CNTNAP5: variants seen among roughly 807,000 people sequenced by gnomAD.
CNTNAP5 encodes the protein contactin-associated protein-like 5.
Under a neutral mutation model 150.2 loss-of-function variants are expected in CNTNAP5, and 72 were observed. That is an observed-to-expected ratio of 0.48 (90% CI 0.40 to 0.58). The LOEUF is 0.58. Among genes scored for constraint, CNTNAP5 ranks in the 20% least tolerant of loss-of-function variants. The pLI is 0.00. For synonymous variants in CNTNAP5, 672 were observed against 619.8 expected, an observed-to-expected ratio of 1.08 and a Z score of -1.25; for missense variants, 1,636 against 1,626.2, an observed-to-expected ratio of 1.01 and a Z score of -0.10.
chr2:124,762,877 G>C (rs1402237796), intron 14 of CNTNAP5, among the ~76,000 whole-genome samples: 2 of 151,956 alleles, frequency 1.3e-5, no homozygotes, highest in African/African-American at 4.8e-5. Context: ...TACAGCATAG[G>C]AATTTTTTTG....
At chr2:124,068,856 G>T (rs975374251) in intron 1 of CNTNAP5, among the ~76,000 whole-genome samples, 3 of 151,916 alleles carry the variant, frequency 2.0e-5, no homozygotes, top group African/African-American at 2.4e-5. Flanking sequence ...TATACCGTAG[G>T]CCAGAAAGGA....
chr2:124,551,909 T>G (rs371376244), intron 10 of CNTNAP5, among the ~76,000 whole-genome samples: 20 of 152,160 alleles, frequency 1.3e-4, no homozygotes, highest in African/African-American at 4.8e-4. Flanking sequence ...TAAGCGATGA[T>G]TTTCTCAAGA....
intron 3 of CNTNAP5, among the ~76,000 whole-genome samples, chr2:124,264,724 GGTTTTGT>G (rs1687559715): frequency 6.6e-6 from 1 of 152,188 alleles, no homozygotes; most frequent in Admixed American, 6.5e-5. Flanking sequence ...CATCTGCAGT[GGTTTTGT>G]GGCTTTGCTC....
chr2:124,508,731 T>C (rs1694474096), intron 8 of CNTNAP5, among the ~76,000 whole-genome samples: 1 of 152,218 alleles, frequency 6.6e-6, no homozygotes. Flanking sequence ...TATAATTCTC[T>C]CCTAAGGAGA....
At chr2:124,707,535 C>T (rs888845937) in intron 13 of CNTNAP5, among the ~76,000 whole-genome samples, 11 of 147,198 alleles carry the variant, frequency 7.5e-5, no homozygotes, top group African/African-American at 2.7e-4. Flanking sequence ...TTCACATACT[C>T]CACCCATCGC....
intron 11 of CNTNAP5, among the ~76,000 whole-genome samples, chr2:124,571,974 A>G (rs1465343488): frequency 6.6e-6 from 1 of 152,138 alleles, no homozygotes; most frequent in Non-Finnish European, 1.5e-5. Context: ...AGAAATCAGT[A>G]ATTTTCTGTC....
intron 1 of CNTNAP5, among the ~76,000 whole-genome samples, chr2:124,150,361 T>C (rs760384827): frequency 2.0e-5 from 3 of 152,232 alleles, no homozygotes; most frequent in Non-Finnish European, 4.4e-5. Flanking sequence ...TCATGGAGGT[T>C]GTAGTTACAA....
At chr2:124,362,051 G>A (rs139250610) in intron 3 of CNTNAP5, among the ~76,000 whole-genome samples, 6,764 of 152,306 alleles carry the variant, frequency 0.044, 219 homozygotes, top group Non-Finnish European at 0.07. Flanking sequence ...CGCAATATTC[G>A]GGTGGGAGTG....
At chr2:124,130,868 T>G (rs1390675592) in intron 1 of CNTNAP5, among the ~76,000 whole-genome samples, 1 of 152,198 alleles carries the variant, frequency 6.6e-6, no homozygotes, top group South Asian at 2.1e-4. Flanking sequence ...TGAATGAATA[T>G]ATACAGAATA....
chr2:124,564,421 T>A (rs1387177333), intron 11 of CNTNAP5, among the ~76,000 whole-genome samples: 1 of 152,144 alleles, frequency 6.6e-6, no homozygotes, highest in Non-Finnish European at 1.5e-5. Flanking sequence ...AGTGGCACGA[T>A]CTTGGCTCAC....
intron 10 of CNTNAP5, among the ~76,000 whole-genome samples, chr2:124,530,162 T>C (rs1695070033): frequency 6.6e-6 from 1 of 152,016 alleles, no homozygotes; most frequent in Non-Finnish European, 1.5e-5. Flanking sequence ...AAATAAAAAC[T>C]AGCCAGGTGT....
chr2:124,658,289 C>T (rs763302253), intron 13 of CNTNAP5, among the ~76,000 whole-genome samples: 3 of 152,068 alleles, frequency 2.0e-5, no homozygotes, highest in Non-Finnish European at 2.9e-5. Flanking sequence ...TTCTCTGTAA[C>T]CTTGAGATGT....
chr2:124,736,165 G>T (rs1481048498), intron 13 of CNTNAP5, among the ~76,000 whole-genome samples: 1 of 152,134 alleles, frequency 6.6e-6, no homozygotes, highest in African/African-American at 2.4e-5. Flanking sequence ...GGGAGGTGGA[G>T]GTTGCAGTGA....
At chr2:124,451,544 G>C (rs1420872043) in intron 6 of CNTNAP5, among the ~76,000 whole-genome samples, 2 of 152,064 alleles carry the variant, frequency 1.3e-5, no homozygotes, top group African/African-American at 4.8e-5. Context: ...GGCAGGGCTG[G>C]ATTGCAGTTC....
At chr2:124,903,540 A>C (rs1260703028) in intron 22 of CNTNAP5, among the ~76,000 whole-genome samples, 2 of 152,208 alleles carry the variant, frequency 1.3e-5, no homozygotes, top group Non-Finnish European at 2.9e-5. Context: ...AATAAAAATT[A>C]TATATTTTCA....
intron 7 of CNTNAP5, among the ~76,000 whole-genome samples, chr2:124,486,452 T>A (rs1693882471): frequency 6.6e-6 from 1 of 152,150 alleles, no homozygotes; most frequent in African/African-American, 2.4e-5. Flanking sequence ...ACTATTGAAA[T>A]AACACTTTTT....
intron 1 of CNTNAP5, among the ~76,000 whole-genome samples, chr2:124,139,250 T>C (rs758028874): frequency 1.5e-4 from 20 of 130,488 alleles, no homozygotes; most frequent in Non-Finnish European, 2.9e-4. Context: ...TAAAATCCTC[T>C]TATTTCTACC....
intron 10 of CNTNAP5, among the ~76,000 whole-genome samples, chr2:124,558,381 A>T (rs1695808232): frequency 6.6e-6 from 1 of 151,316 alleles, no homozygotes; most frequent in South Asian, 2.1e-4. Context: ...GATAGTGAAG[A>T]ACACAGGTAA....
At chr2:124,813,406 T>G (rs1179378997) in intron 19 of CNTNAP5, among the ~76,000 whole-genome samples, 1 of 152,006 alleles carries the variant, frequency 6.6e-6, no homozygotes, top group African/African-American at 2.4e-5. Flanking sequence ...TTTCTTTTTT[T>G]GAAGAAAAGA....
Sources: gnomAD v4.1 joint callset for allele counts (sites outside exome capture counted in the v4.1 genomes callset) on GRCh38, gnomAD v4.1.1 for gene constraint, MANE v1.5 for transcripts, NCBI Gene and HGNC (gene_info 2026-07-23, HGNC 2026-07-21) for gene names.